Variants in ADAMTSL1 observed in about 807,000 individuals in gnomAD.
The protein encoded by ADAMTSL1 is ADAMTS-like protein 1.
In ADAMTSL1, 126 loss-of-function variants were observed where a neutral mutation model predicts 201.8. That is an observed-to-expected ratio of 0.62 (90% CI 0.54 to 0.72). ADAMTSL1 has a LOEUF of 0.72. Among genes scored for constraint, ADAMTSL1 ranks in the 30% least tolerant of loss-of-function variants. The pLI is 0.00. For synonymous variants in ADAMTSL1, 1,121 were observed against 903.4 expected, an observed-to-expected ratio of 1.24 and a Z score of -4.32; for missense variants, 2,679 against 2,277.8, an observed-to-expected ratio of 1.18 and a Z score of -3.59.
intron 16 of ADAMTSL1, among the ~76,000 whole-genome samples, chr9:18,760,108 C>T (rs1359414537): frequency 6.6e-6 from 1 of 152,180 alleles, no homozygotes; most frequent in Non-Finnish European, 1.5e-5. Flanking sequence ...CCCCCATTAA[C>T]CTGGTCTTTC....
intron 1 of ADAMTSL1, among the ~76,000 whole-genome samples, chr9:18,151,831 C>G (rs1826930154): frequency 6.6e-6 from 1 of 152,050 alleles, no homozygotes; most frequent in East Asian, 1.9e-4. Context: ...AATGAGGTGC[C>G]AGGAGTTGTA....
chr9:18,618,528 G>GAAAA (rs71333051), intron 4 of ADAMTSL1, among the ~76,000 whole-genome samples: 14 of 127,186 alleles, frequency 1.1e-4, no homozygotes, highest in South Asian at 7.6e-4. Flanking sequence ...GGGTATACAT[G>GAAAA]AAAAAAAAAA....
chr9:18,381,830 C>T (rs1360344762), intron 2 of ADAMTSL1, among the ~76,000 whole-genome samples: 1 of 151,738 alleles, frequency 6.6e-6, no homozygotes, highest in East Asian at 1.9e-4. Flanking sequence ...GGTGAACTAT[C>T]TCACCGTCAT....
chr9:18,593,224 T>TGCC (rs201440590), intron 4 of ADAMTSL1, among the ~76,000 whole-genome samples: 1,791 of 152,260 alleles, frequency 0.012, 43 homozygotes, highest in African/African-American at 0.041. Flanking sequence ...AGCAGTTTGA[T>TGCC]TTCTCTAGCT....
intron 5 of ADAMTSL1, among the ~76,000 whole-genome samples, chr9:18,626,373 A>C (rs1564099000): frequency 1.3e-5 from 2 of 152,248 alleles, no homozygotes; most frequent in Admixed American, 6.5e-5. Context: ...CATGGCATTT[A>C]AACAAGGATC....
chr9:18,066,674 T>C (rs539813242), intron 1 of ADAMTSL1, among the ~76,000 whole-genome samples: 3 of 152,342 alleles, frequency 2.0e-5, no homozygotes, highest in African/African-American at 7.2e-5. Flanking sequence ...AAACAGAATT[T>C]TATGACTATG....
chr9:18,187,641 C>A (rs904670001), intron 2 of ADAMTSL1, among the ~76,000 whole-genome samples: 29 of 152,102 alleles, frequency 1.9e-4, no homozygotes, highest in African/African-American at 6.3e-4. Flanking sequence ...AATTTATTGG[C>A]TTCTTTTTAA....
chr9:17,943,686 G>A lies in ADAMTSL1; in HGVS notation c.87+36764G>A, dbSNP rs930148175. Among the ~76,000 whole-genome samples the A allele has an allele frequency of 2.0e-5, 3 of 151,960 alleles. No homozygotes were observed. In the East Asian group the frequency reaches 5.8e-4, roughly 29 times the overall value. On this transcript the variant is annotated intron_variant, in intron 1 of 29. Transcript: ENST00000680146. ...CCTTCCTCATGACTTCATGAATATG[G>A]ATTCTTATTTGTGCTATTTTACATT... is the stretch of plus-strand genomic sequence containing the variant.
At chr9:18,344,604 G>A (rs772030427) in intron 2 of ADAMTSL1, among the ~76,000 whole-genome samples, 32 of 152,146 alleles carry the variant, frequency 2.1e-4, no homozygotes, top group Non-Finnish European at 4.0e-4. Flanking sequence ...TCCGTATGGA[G>A]AAGTCCAATC....
intron 16 of ADAMTSL1, among the ~76,000 whole-genome samples, chr9:18,766,360 G>A (rs1014169232): frequency 6.6e-6 from 1 of 152,128 alleles, no homozygotes; most frequent in Non-Finnish European, 1.5e-5. Context: ...TTTTAAGCAT[G>A]GAAATTGTGT....
intron 4 of ADAMTSL1, among the ~76,000 whole-genome samples, chr9:18,594,021 CTG>C (rs1824095499): frequency 6.6e-6 from 1 of 151,938 alleles, no homozygotes; most frequent in African/African-American, 2.4e-5. Context: ...TAAATTCCCT[CTG>C]TGTTTTTTGT....
At chr9:18,646,984 C>T (rs1827854088) in intron 7 of ADAMTSL1, among the ~76,000 whole-genome samples, 1 of 152,016 alleles carries the variant, frequency 6.6e-6, no homozygotes, top group African/African-American at 2.4e-5. Context: ...CTCCTTGTAC[C>T]TCTGGTAAAA....
intron 23 of ADAMTSL1, among the ~76,000 whole-genome samples, chr9:18,832,444 G>T (rs1423851372): frequency 6.6e-6 from 1 of 152,196 alleles, no homozygotes; most frequent in African/African-American, 2.4e-5. Flanking sequence ...TGGGGAACGG[G>T]AACAAATCTT....
chr9:18,527,802 C>G (rs911389597), intron 2 of ADAMTSL1, among the ~76,000 whole-genome samples: 2 of 152,074 alleles, frequency 1.3e-5, no homozygotes, highest in African/African-American at 4.8e-5. Flanking sequence ...CAAAATCTGA[C>G]TGGGCAGGAG....
chr9:18,384,002 G>T (rs1009200037), intron 2 of ADAMTSL1, among the ~76,000 whole-genome samples: 1 of 152,092 alleles, frequency 6.6e-6, no homozygotes, highest in African/African-American at 2.4e-5. Context: ...TTGCTTTGTG[G>T]ACCATATTTT....
chr9:18,890,822 G>A (rs1457011121), intron 25 of ADAMTSL1: 3 of 319,790 alleles, frequency 9.4e-6, no homozygotes, highest in African/African-American at 4.4e-5. Context: ...ATAAGAGGCT[G>A]GAAAACTGCC....
At chr9:18,726,291 TCG>T (rs751513171) in intron 15 of ADAMTSL1, among the ~76,000 whole-genome samples, 33 of 152,252 alleles carry the variant, frequency 2.2e-4, no homozygotes, top group Admixed American at 7.2e-4. Flanking sequence ...TTGCTTAAGA[TCG>T]GGAGTTCAAG....
chr9:17,952,966 T>C (rs1181043103), intron 1 of ADAMTSL1, among the ~76,000 whole-genome samples: 2 of 150,042 alleles, frequency 1.3e-5, no homozygotes, highest in Admixed American at 6.6e-5. Flanking sequence ...TTCTTCAGAA[T>C]GTCCTAGCTT....
chr9:18,125,712 T>G (rs770811406), intron 1 of ADAMTSL1, among the ~76,000 whole-genome samples: 1 of 152,220 alleles, frequency 6.6e-6, no homozygotes, highest in Non-Finnish European at 1.5e-5. Context: ...GCTTGTCACC[T>G]TTATTGAAAG....
Sources: allele counts gnomAD v4.1 joint callset (sites outside exome capture counted in the v4.1 genomes callset), GRCh38; gene constraint gnomAD v4.1.1; transcripts MANE v1.5; gene names NCBI Gene and HGNC (gene_info 2026-07-23, HGNC 2026-07-21).